The following RBM6 variants were observed in gnomAD, a reference collection of about 807,000 sequenced individuals.
RBM6 encodes RNA binding motif protein 6.
Under a neutral mutation model 140.4 loss-of-function variants are expected in RBM6, and 23 were observed. The observed-to-expected ratio is 0.16, with a 90% CI of 0.12 to 0.23. The LOEUF is 0.23. Ranked by LOEUF, RBM6 falls within the 10% of genes least tolerant of loss-of-function variation. The probability of loss-of-function intolerance (pLI) is 1.00; values close to 1 mark genes in which losing one functional copy is unlikely to be tolerated. For missense variants in RBM6, 1,139 were observed against 1,386.7 expected (o/e 0.82, Z 2.84); for synonymous variants, 439 against 475.6 (o/e 0.92, Z 1.00).
At chr3:49,986,372 A>C (rs1330513024) in intron 5 of RBM6, among the ~76,000 whole-genome samples, 1 of 151,678 alleles carries the variant, frequency 6.6e-6, no homozygotes, top group East Asian at 2.0e-4. Context: ...AGGCAAGCGG[A>C]TCATGAGGTC....
chr3:50,015,079 AT>A (rs2087054268), intron 6 of RBM6, among the ~76,000 whole-genome samples: 2 of 129,260 alleles, frequency 1.5e-5, no homozygotes, highest in East Asian at 4.5e-4. Context: ...AAAGTTTTTT[AT>A]TTTTAAATTT....
chr3:49,943,450 G>A (rs1394007649), intron 1 of RBM6, among the ~76,000 whole-genome samples: 1 of 151,958 alleles, frequency 6.6e-6, no homozygotes, highest in African/African-American at 2.4e-5. Flanking sequence ...ACAGGCATGG[G>A]CTGCCACAAC....
intron 6 of RBM6, among the ~76,000 whole-genome samples, chr3:50,012,580 A>G (rs1435403304): frequency 6.6e-6 from 1 of 151,402 alleles, no homozygotes; most frequent in Non-Finnish European, 1.5e-5. Flanking sequence ...GATGGTCTCA[A>G]TCTCCTGACC....
intron 5 of RBM6, among the ~76,000 whole-genome samples, chr3:49,992,308 G>T (rs879504276): frequency 2.6e-4 from 40 of 152,042 alleles, no homozygotes; most frequent in Non-Finnish European, 5.0e-4. Flanking sequence ...GGCTAAGGCA[G>T]TAGAAAAAAA....
At chr3:50,012,055 T>C (rs2086874825) in intron 6 of RBM6, among the ~76,000 whole-genome samples, 1 of 152,024 alleles carries the variant, frequency 6.6e-6, no homozygotes, top group Non-Finnish European at 1.5e-5. Flanking sequence ...CTTGCTATAT[T>C]GTCCAGGTTG....
chr3:49,962,176 G>A (rs961244656), intron 1 of RBM6, among the ~76,000 whole-genome samples: 7 of 147,070 alleles, frequency 4.8e-5, no homozygotes, highest in East Asian at 2.0e-4. Context: ...AAAGAAGGCC[G>A]GGTGCAGTGG....
intron 6 of RBM6, among the ~76,000 whole-genome samples, chr3:50,043,903 A>G (rs1481846162): frequency 8.2e-6 from 1 of 121,618 alleles, no homozygotes; most frequent in Non-Finnish European, 1.7e-5. Context: ...TTTTTTAAAG[A>G]GACGGAGTCT....
At chr3:49,945,036 C>T (rs760277950) in intron 1 of RBM6, among the ~76,000 whole-genome samples, 5 of 151,780 alleles carry the variant, frequency 3.3e-5, no homozygotes, top group South Asian at 2.1e-4. Context: ...CCACCACGCC[C>T]GGCTAATTTT....
At chr3:49,958,252 C>T (rs1183908980) in intron 1 of RBM6, among the ~76,000 whole-genome samples, 1 of 146,208 alleles carries the variant, frequency 6.8e-6, no homozygotes, top group Non-Finnish European at 1.5e-5. Flanking sequence ...AGTGAAACCC[C>T]GTCTCTACTA....
intron 5 of RBM6, among the ~76,000 whole-genome samples, chr3:49,998,122 G>A (rs1221855022): frequency 6.6e-6 from 1 of 152,162 alleles, no homozygotes; most frequent in African/African-American, 2.4e-5. Context: ...TTAACTTGGA[G>A]TATTTAACAA....
chr3:50,062,444 C>T (rs1221931776), intron 15 of RBM6, among the ~76,000 whole-genome samples: 1 of 150,372 alleles, frequency 6.7e-6, no homozygotes, highest in Non-Finnish European at 1.5e-5. Context: ...GCAGAGGTTG[C>T]AGTGAGCCGA....
intron 6 of RBM6, among the ~76,000 whole-genome samples, chr3:50,027,542 G>A (rs1254796474): frequency 6.6e-6 from 1 of 152,084 alleles, no homozygotes; most frequent in African/African-American, 2.4e-5. Context: ...TCGGCTTTCT[G>A]TCTCTATAGA....
At chr3:49,968,776 T>TC (rs747269487) in intron 3 of RBM6, 28 bp downstream of exon 3, 9,335 of 875,326 alleles carry the variant, frequency 0.011, 51 homozygotes, top group Non-Finnish European at 0.013. Flanking sequence ...ATTGCTTTTT[T>TC]TTTTTTTTTT....
intron 6 of RBM6, 117 bp downstream of exon 6, chr3:49,999,630 A>G (rs757174405): frequency 1.3e-4 from 112 of 878,464 alleles, no homozygotes; most frequent in Non-Finnish European, 1.9e-4. Context: ...TGTGGAGCAT[A>G]CTGTATTCCA....
At chr3:50,021,167 G>A (rs1190766245) in intron 6 of RBM6, among the ~76,000 whole-genome samples, 1 of 152,148 alleles carries the variant, frequency 6.6e-6, no homozygotes, top group Admixed American at 6.6e-5. Context: ...CGCTGTTGCT[G>A]GATGAAATAG....
chr3:49,979,438 GTT>G (rs35205938), intron 5 of RBM6, among the ~76,000 whole-genome samples: 3 of 124,560 alleles, frequency 2.4e-5, no homozygotes, highest in Non-Finnish European at 1.7e-5. Context: ...TGCTTACTTT[GTT>G]TTTTTTTTTT....
chr3:50,018,588 T>C (rs866627451), intron 6 of RBM6, among the ~76,000 whole-genome samples: 1 of 127,584 alleles, frequency 7.8e-6, no homozygotes, highest in East Asian at 2.3e-4. Flanking sequence ...TGTGTTTTTT[T>C]TTTTTTTTTT....
chr3:49,992,190 G>A (rs1168055573), intron 5 of RBM6, among the ~76,000 whole-genome samples: 1 of 152,050 alleles, frequency 6.6e-6, no homozygotes, highest in East Asian at 1.9e-4. Context: ...GGGGTTAAGC[G>A]ATCCTCTTGC....
intron 6 of RBM6, among the ~76,000 whole-genome samples, chr3:50,003,003 C>T (rs1239638878): frequency 6.6e-6 from 1 of 152,066 alleles, no homozygotes; most frequent in East Asian, 1.9e-4. Context: ...GTAGTCCCAG[C>T]TACTTGGGAG....
Sources: allele counts gnomAD v4.1 joint callset (sites outside exome capture counted in the v4.1 genomes callset), GRCh38; gene constraint gnomAD v4.1.1; transcripts MANE v1.5; gene names NCBI Gene and HGNC (gene_info 2026-07-23, HGNC 2026-07-21).